The following NBEAL1 variants were observed in gnomAD, a reference collection of about 807,000 sequenced individuals.
NBEAL1 encodes neurobeachin-like protein 1.
In NBEAL1, 273 loss-of-function variants were observed where a neutral mutation model predicts 351.3. The observed-to-expected ratio is 0.78, with a 90% confidence interval of 0.70 to 0.86. The LOEUF is 0.86. Ranked by LOEUF, NBEAL1 falls within the 40% of genes least tolerant of loss-of-function variation. The probability of loss-of-function intolerance (pLI) is 0.00; values close to 1 mark genes in which losing one functional copy is unlikely to be tolerated. For missense variants in NBEAL1, 2,961 were observed against 3,201.3 expected, an observed-to-expected ratio of 0.92 and a Z score of 1.81; for synonymous variants, 1,050 against 1,086.4, an observed-to-expected ratio of 0.97 and a Z score of 0.66.
At chr2:203,179,194 T>C (rs1469414039) in intron 42 of NBEAL1, among the ~76,000 whole-genome samples, 2 of 152,120 alleles carry the variant, frequency 1.3e-5, no homozygotes, top group Non-Finnish European at 2.9e-5. Context: ...TCAAATGAAA[T>C]AAAACAGAAG....
intron 7 of NBEAL1, among the ~76,000 whole-genome samples, chr2:203,073,602 A>G (rs1189598167): frequency 1.3e-5 from 2 of 152,320 alleles, no homozygotes; most frequent in East Asian, 1.9e-4. Context: ...GATTGTGCCT[A>G]TGAATAGCCA....
rs750126380 is a variant in NBEAL1, at chr2:203,149,141, G to A, written c.5455G>A (p.Ala1819Thr). 3.4e-5 allele frequency: 54 copies of A among 1,594,544 alleles called. No individual in the cohort carries two copies. Among genetic ancestry groups the A allele is most frequent in the Non-Finnish European group, 4.6e-5 (54 of 1,169,668 alleles). Residue 1819 changes from alanine to threonine, a missense_variant, in exon 34 of 56, where the codon GCT becomes ACT. By Grantham distance (58) the Ala-to-Thr change is moderately conservative. Coordinates refer to ENST00000683969, the MANE Select transcript of NBEAL1 (RefSeq NM_001378026.1). ...LYLTCERGPWAKRKQNPIHWK... is the reference protein window; with the variant it reads ...LYLTCERGPWTKRKQNPIHWK... ...TCTTACATGTGAAAGGGGACCTTGG[G>A]CTAAAAGGTAAGAGGATATAATTTT...
chr2:203,160,035 T>C (rs2063904121), intron 36 of NBEAL1, among the ~76,000 whole-genome samples: 1 of 151,856 alleles, frequency 6.6e-6, no homozygotes, highest in Non-Finnish European at 1.5e-5. Context: ...TTAATATATA[T>C]CTACTTTGGA....
In NBEAL1 at chr2:203,135,803, C is replaced by T. The variant is rs770989428; in HGVS notation, c.3940C>T (p.His1314Tyr). ...KFENGNTLHKHSRAVLMKDND... is the reference protein window; with the variant it reads ...KFENGNTLHKYSRAVLMKDND... ...TGAAAACGGAAATACTCTTCATAAG[C>T]ACAGTAGAGCTGTTTTAATGAAAGA... Residue 1314 changes from histidine (H) to tyrosine (Y), a missense_variant, in exon 28 of 56, where the codon CAC (histidine) becomes TAC (tyrosine). Physicochemically the swap from His to Tyr is moderately conservative, Grantham distance 83. Transcript: ENST00000683969. The T allele has an allele frequency of 1.2e-6, 2 of 1,613,002 alleles. No individual in the cohort carries two copies. The highest frequency in any genetic ancestry group is 2.7e-5 in the African/African-American group (2 of 74,838).
At chr2:203,022,704 C>A (rs2060791303) in intron 2 of NBEAL1, among the ~76,000 whole-genome samples, 1 of 151,618 alleles carries the variant, frequency 6.6e-6, no homozygotes, top group African/African-American at 2.4e-5. Context: ...TTCCATTTGC[C>A]CTTGTATTAA....
At chr2:203,198,371 G>A (rs1443250724) in intron 48 of NBEAL1, among the ~76,000 whole-genome samples, 1 of 152,020 alleles carries the variant, frequency 6.6e-6, no homozygotes, top group African/African-American at 2.4e-5. Flanking sequence ...ATTTTGAAGA[G>A]AGGAGAACTT....
chr2:203,027,846 G>A (rs2060884165), intron 2 of NBEAL1, among the ~76,000 whole-genome samples: 2 of 151,902 alleles, frequency 1.3e-5, no homozygotes, highest in Admixed American at 1.3e-4. Context: ...CAAGCAGCTA[G>A]GACTACAAGT....
chr2:203,074,474 C>T (rs1207661696), intron 7 of NBEAL1, among the ~76,000 whole-genome samples: 1 of 151,646 alleles, frequency 6.6e-6, no homozygotes, highest in Non-Finnish European at 1.5e-5. Flanking sequence ...ATTACAGGTG[C>T]CCGCCATCAT....
chr2:203,116,004 T>A lies in NBEAL1; in HGVS notation c.2526T>A (p.Pro842=). Residue 842 remains proline, a synonymous_variant, in exon 18 of 56, where the codon CCT becomes CCA. Coordinates refer to ENST00000683969, the MANE Select transcript of NBEAL1 (RefSeq NM_001378026.1). ...LYLAGPNCLS[P]WKCQESDMAD... ...TTTCAGGTCCAAATTGTTTAAGCCCTTGGAAGTGTCAAGAGTCTGACATGG... is the reference window on the plus strand; with the variant it reads ...TTTCAGGTCCAAATTGTTTAAGCCCATGGAAGTGTCAAGAGTCTGACATGG... 2 of 1,553,086 alleles carry A rather than the reference T, an allele frequency of 1.3e-6. No individual in the cohort carries two copies. Among genetic ancestry groups the A allele is most frequent in the Non-Finnish European group, 1.7e-6 (2 of 1,147,102 alleles).
intron 18 of NBEAL1, among the ~76,000 whole-genome samples, chr2:203,120,646 A>G (rs1030337559): frequency 2.0e-5 from 3 of 152,192 alleles, no homozygotes; most frequent in African/African-American, 7.2e-5. Context: ...CAAACCTCCT[A>G]TGTCAGAGTA....
At chr2:203,087,544 C>G (rs1304345471) in intron 10 of NBEAL1, among the ~76,000 whole-genome samples, 6 of 152,322 alleles carry the variant, frequency 3.9e-5, no homozygotes, top group African/African-American at 1.4e-4. Flanking sequence ...GTGCAAGGCT[C>G]TAAGACATCT....
At chr2:203,033,803 A>G (rs1230592594) in intron 2 of NBEAL1, among the ~76,000 whole-genome samples, 2 of 152,198 alleles carry the variant, frequency 1.3e-5, no homozygotes, top group Non-Finnish European at 2.9e-5. Flanking sequence ...TATCATTTCC[A>G]CACTGGAATG....
chr2:203,196,958 G>A (rs1160352422), intron 47 of NBEAL1, among the ~76,000 whole-genome samples: 8 of 152,116 alleles, frequency 5.3e-5, no homozygotes, highest in Admixed American at 5.2e-4. Flanking sequence ...TGAGAAACAT[G>A]TTCTTATATG....
intron 46 of NBEAL1, chr2:203,190,776 C>A (rs1251407638): frequency 6.2e-7 from 1 of 1,610,394 alleles, no homozygotes; most frequent in South Asian, 1.1e-5. Context: ...CAGCCGCCTC[C>A]ACCATGCCGC....
At chr2:203,025,999 T>A (rs2060850134) in intron 2 of NBEAL1, among the ~76,000 whole-genome samples, 1 of 152,196 alleles carries the variant, frequency 6.6e-6, no homozygotes, top group Non-Finnish European at 1.5e-5. Flanking sequence ...GGAAGTCCCC[T>A]ACAGAAAATG....
chr2:203,052,243 T>C (rs915418028), intron 4 of NBEAL1: 1 of 140,930 alleles, frequency 7.1e-6, no homozygotes, highest in Non-Finnish European at 1.6e-5. Context: ...CCCCAACCTC[T>C]GTCAACCACT....
At chr2:203,201,064 A>G (rs1438172434) in intron 49 of NBEAL1, among the ~76,000 whole-genome samples, 2 of 152,226 alleles carry the variant, frequency 1.3e-5, no homozygotes, top group South Asian at 2.1e-4. Context: ...TAAAACCAGC[A>G]TGCTTGCTTT....
intron 2 of NBEAL1, among the ~76,000 whole-genome samples, chr2:203,034,117 A>G (rs1343307667): frequency 1.3e-5 from 2 of 149,242 alleles, no homozygotes; most frequent in Non-Finnish European, 3.0e-5. Flanking sequence ...CTTTATATTC[A>G]TGGTCTAGCA....
Position 203,136,139 on chromosome 2 carries a change from A to G in NBEAL1, c.4276A>G (p.Thr1426Ala). ...GSQVPDSLPS[T>A]PSPVESTKSF... ...TCAAGTGCCAGACAGTCTGCCTAGC[A>G]CACCATCCCCAGTAGAGTCTACTAA... Residue 1426 changes from threonine to alanine, a missense_variant, in exon 28 of 56, where the codon ACA becomes GCA. Thr to Ala is a moderately conservative substitution (Grantham distance 58, BLOSUM62 0). Coordinates refer to ENST00000683969, the MANE Select transcript of NBEAL1 (RefSeq NM_001378026.1). The G allele has an allele frequency of 1.2e-6, 2 of 1,614,148 alleles. No individual in the cohort carries two copies. Among genetic ancestry groups the G allele is most frequent in the Non-Finnish European group, 8.5e-7 (1 of 1,179,998 alleles).
Sources: allele counts gnomAD v4.1 joint callset (sites outside exome capture counted in the v4.1 genomes callset), GRCh38; gene constraint gnomAD v4.1.1; transcripts MANE v1.5; gene names NCBI Gene and HGNC (gene_info 2026-07-23, HGNC 2026-07-21).